Variants in FAT3 observed in about 807,000 individuals in gnomAD.
FAT3 encodes the protein FAT atypical cadherin 3, also known as protocadherin Fat 3.
Under a neutral mutation model 310.2 loss-of-function variants are expected in FAT3, and 95 were observed. The ratio of observed to expected loss-of-function variants is 0.31; its 90% CI spans 0.26 to 0.36. The LOEUF (loss-of-function observed/expected upper bound fraction) is 0.36. FAT3 is among the 10% of genes least tolerant of loss of function. The pLI is 1.00. For synonymous variants in FAT3, 2,314 were observed against 2,192.9 expected (o/e 1.06, Z -1.54); for missense variants, 5,408 against 5,715.6 (o/e 0.95, Z 1.74).
chr11:92,691,154 A>G (rs1384052998), intron 3 of FAT3, among the ~76,000 whole-genome samples: 1 of 152,192 alleles, frequency 6.6e-6, no homozygotes, highest in Non-Finnish European at 1.5e-5. Flanking sequence ...TATTCCTTAT[A>G]TTACTGTACA....
chr11:92,449,126 C>G (rs1951289479), intron 2 of FAT3, among the ~76,000 whole-genome samples: 1 of 152,190 alleles, frequency 6.6e-6, no homozygotes, highest in African/African-American at 2.4e-5. Context: ...ATTTTGCAGA[C>G]TGCTGAGGAG....
At chr11:92,806,576 T>C in intron 12 of FAT3, 61 bp downstream of exon 12, 3 of 1,417,292 alleles carry the variant, frequency 2.1e-6, no homozygotes, top group Non-Finnish European at 2.9e-6. Context: ...AAGTTAAACT[T>C]ATGTGGTCTC....
chr11:92,775,113 C>CTAAT (rs902124584), intron 7 of FAT3, among the ~76,000 whole-genome samples: 3 of 152,176 alleles, frequency 2.0e-5, no homozygotes, highest in African/African-American at 7.2e-5. Flanking sequence ...GAAGGCATCA[C>CTAAT]TAATTCATCA....
intron 3 of FAT3, among the ~76,000 whole-genome samples, chr11:92,569,991 C>T (rs1217030382): frequency 6.6e-6 from 1 of 152,142 alleles, no homozygotes; most frequent in Non-Finnish European, 1.5e-5. Flanking sequence ...CGTATGTATT[C>T]TTTCATTGTC....
chr11:92,882,641 G>A (rs2136406361), intron 23 of FAT3, 97 bp from the exon 24 acceptor site: 2 of 1,076,988 alleles, frequency 1.9e-6, no homozygotes, highest in African/African-American at 1.8e-5. Context: ...TAGGTGCATC[G>A]TTTTCTTTTA....
chr11:92,617,572 A>G (rs1940871361), intron 3 of FAT3, among the ~76,000 whole-genome samples: 1 of 152,100 alleles, frequency 6.6e-6, no homozygotes. Flanking sequence ...GATTTTTAGA[A>G]TTATCAGGTT....
chr11:92,872,720 A>T (rs528441151), intron 22 of FAT3, among the ~76,000 whole-genome samples: 1 of 152,360 alleles, frequency 6.6e-6, no homozygotes, highest in South Asian at 2.1e-4. Context: ...GGCTTGGCCC[A>T]ATATACAATA....
chr11:92,590,925 G>GA (rs1016049769), intron 3 of FAT3, among the ~76,000 whole-genome samples: 1 of 152,010 alleles, frequency 6.6e-6, no homozygotes, highest in Non-Finnish European at 1.5e-5. Flanking sequence ...TCGATTACAA[G>GA]AAAAAATGGA....
At chr11:92,473,704 A>G (rs188042745) in intron 2 of FAT3, among the ~76,000 whole-genome samples, 6 of 152,200 alleles carry the variant, frequency 3.9e-5, no homozygotes, top group Non-Finnish European at 7.3e-5. Flanking sequence ...CAGGGTCCCA[A>G]TCACCATGTA....
chr11:92,868,111 C>T (rs377252567), intron 22 of FAT3, among the ~76,000 whole-genome samples: 1 of 152,210 alleles, frequency 6.6e-6, no homozygotes, highest in Non-Finnish European at 1.5e-5. Flanking sequence ...CCACTTCAGT[C>T]CCTTTGCAGA....
Position 92,339,639 on chromosome 11 carries a change from C to T in FAT3, c.-17-12457C>T, listed in dbSNP as rs16917395. Among the ~76,000 whole-genome samples, 796 of 152,218 alleles carry T rather than the reference C, an allele frequency of 5.2e-3. 4 individuals are homozygous for T. The highest frequency in any genetic ancestry group is 0.018 in the African/African-American group (758 of 41,534). ...ACCTAATTGTGGAGATGACATAAAT[C>T]TGTCCTGAGGAATATGGAAGCTGCA... On this transcript the variant is annotated intron_variant, in intron 1 of 27. Coordinates refer to ENST00000525166, the MANE Select transcript of FAT3 (RefSeq NM_001367949.2).
At chr11:92,717,459 T>G (rs552774538) in intron 4 of FAT3, among the ~76,000 whole-genome samples, 3 of 152,270 alleles carry the variant, frequency 2.0e-5, no homozygotes, top group Admixed American at 2.0e-4. Context: ...TGACTCACCC[T>G]CCTACAGATC....
intron 3 of FAT3, among the ~76,000 whole-genome samples, chr11:92,583,601 T>C (rs185265340): frequency 6.6e-6 from 1 of 151,968 alleles, no homozygotes; most frequent in East Asian, 2.0e-4. Context: ...TCTTTGCCAA[T>C]AGTTCTCTTG....
chr11:92,395,297 A>G (rs1949843296), intron 2 of FAT3, among the ~76,000 whole-genome samples: 1 of 152,198 alleles, frequency 6.6e-6, no homozygotes, highest in Non-Finnish European at 1.5e-5. Context: ...CACCTATCAT[A>G]TATAGTGGGT....
At chr11:92,436,328 G>A (rs1950938729) in intron 2 of FAT3, among the ~76,000 whole-genome samples, 1 of 151,874 alleles carries the variant, frequency 6.6e-6, no homozygotes, top group Admixed American at 6.6e-5. Flanking sequence ...TTTTTCTAGG[G>A]ACAGGGTTTT....
intron 3 of FAT3, among the ~76,000 whole-genome samples, chr11:92,528,553 A>T (rs929933695): frequency 6.6e-6 from 1 of 152,068 alleles, no homozygotes; most frequent in Non-Finnish European, 1.5e-5. Flanking sequence ...CACCCGGCTA[A>T]TTTTTTGTAT....
At chr11:92,878,968 G>C (rs1949606383) in intron 22 of FAT3, among the ~76,000 whole-genome samples, 1 of 151,956 alleles carries the variant, frequency 6.6e-6, no homozygotes, top group Non-Finnish European at 1.5e-5. Flanking sequence ...TCCAGTATTG[G>C]CTGAAAATAA....
At chr11:92,465,374 A>G (rs1951733582) in intron 2 of FAT3, among the ~76,000 whole-genome samples, 1 of 152,172 alleles carries the variant, frequency 6.6e-6, no homozygotes, top group Non-Finnish European at 1.5e-5. Context: ...TGGCTATGTT[A>G]TAAAACATTG....
intron 2 of FAT3, among the ~76,000 whole-genome samples, chr11:92,456,646 C>G (rs527327316): frequency 5.9e-5 from 9 of 152,246 alleles, no homozygotes; most frequent in African/African-American, 2.2e-4. Context: ...CTTTTCATAT[C>G]TTTGTGTGCA....
Sources: gnomAD v4.1 joint callset for allele counts (sites outside exome capture counted in the v4.1 genomes callset) on GRCh38, gnomAD v4.1.1 for gene constraint, MANE v1.5 for transcripts, NCBI Gene and HGNC (gene_info 2026-07-23, HGNC 2026-07-21) for gene names.